Variants in NAA11 observed in about 807,000 individuals in gnomAD.
NAA11 encodes N-alpha-acetyltransferase 11, NatA catalytic subunit.
Under a neutral mutation model 16.1 loss-of-function variants are expected in NAA11, and 15 were observed. That is an observed-to-expected ratio of 0.93 (90% CI 0.62 to 1.44). The LOEUF (loss-of-function observed/expected upper bound fraction) is 1.44, where lower values mean the gene tolerates loss of function less well. NAA11 is among the 40% of genes most tolerant of loss of function. The pLI is 0.00. For synonymous variants in NAA11, 122 were observed against 112.4 expected, an observed-to-expected ratio of 1.09 and a Z score of -0.54; for missense variants, 298 against 291.3, an observed-to-expected ratio of 1.02 and a Z score of -0.17.
At chr4:79,294,010 C>T (rs1264472862) in exon 2 of NAA11, 1 of 152,410 alleles carries the variant, frequency 6.6e-6, no homozygotes, top group East Asian at 1.9e-4. Flanking sequence ...CTTACCTTCT[C>T]ACCTTCATGG....
At chr4:79,237,127 C>A (rs1482892492) in intron 2 of NAA11, among the ~76,000 whole-genome samples, 4 of 152,080 alleles carry the variant, frequency 2.6e-5, no homozygotes, top group Non-Finnish European at 5.9e-5. Context: ...AACACAGGTG[C>A]CTAAATTGGG....
intron 1 of NAA11, among the ~76,000 whole-genome samples, chr4:79,323,568 C>T (rs979490910): frequency 3.9e-5 from 6 of 152,086 alleles, no homozygotes; most frequent in African/African-American, 1.4e-4. Flanking sequence ...TGCCTGTAAC[C>T]CCAGCACTTT....
At position 79,324,537 on chromosome 4, in the gene NAA11, C is replaced by A. The variant is rs111668993; in HGVS notation, c.*12+639G>T. Among the ~76,000 whole-genome samples, 12 of 152,292 alleles carry A rather than the reference C, an allele frequency of 7.9e-5. No homozygotes were observed. The South Asian group carries it at 2.3e-3, about 29-fold the overall frequency. On this transcript the variant is annotated intron_variant, in intron 1 of 1. Coordinates refer to ENST00000286794, the MANE Select transcript of NAA11 (RefSeq NM_032693.3). ...TAAAAACCTCTCATTCTGGATTTGG[C>A]TGTTTGCATCATGGTATAGTTTAAC...
At chr4:79,236,209 TTTAC>T (rs982210238) in intron 2 of NAA11, among the ~76,000 whole-genome samples, 4 of 152,130 alleles carry the variant, frequency 2.6e-5, no homozygotes, top group African/African-American at 9.7e-5. Context: ...TTACAGATAT[TTTAC>T]TTACTAAGCC....
At chr4:79,205,917 T>A in the NAA11 span, among the ~76,000 whole-genome samples, 1 of 150,684 alleles carries the variant, frequency 6.6e-6, no homozygotes, top group African/African-American at 2.4e-5. Context: ...GTAAGCTAAT[T>A]GTAGGTATTT....
At chr4:79,249,609 G>A (rs1159597702) in intron 2 of NAA11, among the ~76,000 whole-genome samples, 2 of 152,042 alleles carry the variant, frequency 1.3e-5, no homozygotes, top group African/African-American at 2.4e-5. Flanking sequence ...AAGAAATAAG[G>A]GATTATGTAA....
chr4:79,312,447 T>C (rs1397796946), downstream of NAA11, among the ~76,000 whole-genome samples: 2 of 152,052 alleles, frequency 1.3e-5, no homozygotes, highest in Non-Finnish European at 2.9e-5. Context: ...GGTTAGGAAC[T>C]TGAGACCAGC....
chr4:79,271,881 G>A (rs1722501427), intron 2 of NAA11, among the ~76,000 whole-genome samples: 2 of 151,898 alleles, frequency 1.3e-5, no homozygotes. Flanking sequence ...GAGAGTCTAT[G>A]TTCTAATGCA....
chr4:79,313,833 G>A (rs545211988), downstream of NAA11, among the ~76,000 whole-genome samples: 3 of 152,306 alleles, frequency 2.0e-5, no homozygotes, highest in Non-Finnish European at 4.4e-5. Context: ...ATGCCCAGAT[G>A]GTGATGGGAT....
chr4:79,179,270 T>C, the NAA11 span, among the ~76,000 whole-genome samples: 1 of 152,180 alleles, frequency 6.6e-6, no homozygotes, highest in Non-Finnish European at 1.5e-5. Context: ...CTCTAATAAT[T>C]ACCTAAGAGA....
At chr4:79,277,385 A>G (rs1722676916) in intron 2 of NAA11, among the ~76,000 whole-genome samples, 1 of 152,062 alleles carries the variant, frequency 6.6e-6, no homozygotes, top group South Asian at 2.1e-4. Context: ...CCTCCACCTT[A>G]TCCAGAGAAG....
chr4:79,309,827 T>G (rs1459387205), intron 1 of NAA11, among the ~76,000 whole-genome samples: 1 of 149,780 alleles, frequency 6.7e-6, no homozygotes, highest in East Asian at 2.1e-4. Flanking sequence ...GCCATTCTTC[T>G]GCCTCAGCCC....
chr4:79,273,589 A>G (rs1236363516), intron 2 of NAA11, among the ~76,000 whole-genome samples: 2 of 151,936 alleles, frequency 1.3e-5, no homozygotes, highest in Non-Finnish European at 2.9e-5. Flanking sequence ...GTGTTTTAAT[A>G]TTTGTCTTCT....
At chr4:79,173,526 A>G in the NAA11 span, among the ~76,000 whole-genome samples, 59 of 152,258 alleles carry the variant, frequency 3.9e-4, no homozygotes, top group Non-Finnish European at 7.4e-4. Context: ...TTAATAAGTT[A>G]TTAACATATG....
At chr4:79,258,746 T>C (rs747225427) in intron 2 of NAA11, 15 of 152,428 alleles carry the variant, frequency 9.8e-5, no homozygotes, top group Non-Finnish European at 1.8e-4. Context: ...CTGCCAGTCC[T>C]GCAGACAGGA....
the NAA11 span, among the ~76,000 whole-genome samples, chr4:79,192,540 C>A: frequency 4.3e-4 from 66 of 151,800 alleles, no homozygotes; most frequent in Admixed American, 1.5e-3. Flanking sequence ...CATCCATGTC[C>A]CTACAAAGGA....
chr4:79,297,022 G>A (rs992529048), intron 1 of NAA11, among the ~76,000 whole-genome samples: 4 of 152,150 alleles, frequency 2.6e-5, no homozygotes, highest in African/African-American at 9.7e-5. Flanking sequence ...TGGGTCCCCT[G>A]TGCCTTCTGT....
exon 2 of NAA11, chr4:79,294,105 C>T (rs1723155036): frequency 6.6e-6 from 1 of 152,194 alleles, no homozygotes; most frequent in South Asian, 2.1e-4. Context: ...ATCACTCAGT[C>T]TGTGGCATTC....
the NAA11 span, among the ~76,000 whole-genome samples, chr4:79,208,947 A>AAAAAAAAAC: frequency 7.1e-6 from 1 of 140,948 alleles, no homozygotes; most frequent in Non-Finnish European, 1.5e-5. Flanking sequence ...AAAAAAAAAA[A>AAAAAAAAAC]CCCCAAAAAA....
Sources: allele counts gnomAD v4.1 joint callset (sites outside exome capture counted in the v4.1 genomes callset), GRCh38; gene constraint gnomAD v4.1.1; transcripts MANE v1.5; gene names NCBI Gene and HGNC (gene_info 2026-07-23, HGNC 2026-07-21).